The following ST18 variants were observed in gnomAD, a reference collection of about 807,000 sequenced individuals.
ST18 encodes the protein suppression of tumorigenicity 18 protein.
In ST18, 50 loss-of-function variants were observed where a neutral mutation model predicts 110.0. That is an observed-to-expected ratio of 0.45 (90% CI 0.36 to 0.58). ST18 has a LOEUF of 0.58. Ranked by LOEUF, ST18 falls within the 20% of genes least tolerant of loss-of-function variation. The pLI, the probability that ST18 is intolerant of heterozygous loss-of-function variation, is 0.00. For missense variants in ST18, 1,306 were observed against 1,280.1 expected (o/e 1.02, Z -0.31); for synonymous variants, 461 against 452.4 (o/e 1.02, Z -0.24).
intron 15 of ST18, among the ~76,000 whole-genome samples, chr8:52,156,497 G>A (rs191341163): frequency 1.4e-4 from 22 of 152,328 alleles, no homozygotes; most frequent in Admixed American, 5.9e-4. Context: ...TGGAGGTGAA[G>A]TCTGTCTCTG....
intron 15 of ST18, among the ~76,000 whole-genome samples, chr8:52,154,044 G>A (rs2059439215): frequency 6.6e-6 from 1 of 152,194 alleles, no homozygotes; most frequent in Non-Finnish European, 1.5e-5. Context: ...TACGAAAAGA[G>A]ACATGTTCTT....
intron 2 of ST18, among the ~76,000 whole-genome samples, chr8:52,290,575 GAC>G (rs1410467640): frequency 1.3e-5 from 2 of 152,184 alleles, no homozygotes; most frequent in Non-Finnish European, 2.9e-5. Flanking sequence ...TTGATTGGCT[GAC>G]ACAGAGTTTT....
intron 15 of ST18, among the ~76,000 whole-genome samples, chr8:52,153,056 A>G (rs904428788): frequency 1.3e-5 from 2 of 152,254 alleles, no homozygotes; most frequent in African/African-American, 4.8e-5. Context: ...TTGTATGTAG[A>G]AGGTAGGCTT....
chr8:52,252,436 A>G (rs1050675129), intron 2 of ST18, among the ~76,000 whole-genome samples: 5 of 151,944 alleles, frequency 3.3e-5, no homozygotes, highest in African/African-American at 1.2e-4. Context: ...GCAGTTGTCT[A>G]ATTTAAGAGA....
intron 2 of ST18, among the ~76,000 whole-genome samples, chr8:52,342,038 C>T (rs1473417673): frequency 1.3e-5 from 2 of 152,182 alleles, no homozygotes; most frequent in African/African-American, 2.4e-5. Context: ...ATAGTAACTG[C>T]AGTTAATAAC....
intron 10 of ST18, among the ~76,000 whole-genome samples, chr8:52,168,329 C>T (rs764689677): frequency 1.3e-5 from 2 of 150,880 alleles, no homozygotes; most frequent in African/African-American, 4.9e-5. Context: ...GGCCTGCGTG[C>T]GAGGGTGCGG....
In ST18 at chr8:52,398,365, A is replaced by C. The variant is rs1841867150; in HGVS notation, c.-465+10963T>G. ...ATATAAAATCATGTCATCTGCAAAT[A>C]GAGATAATTTTCCTTCTCTTTTGTC... On this transcript the variant is annotated intron_variant, in intron 2 of 25. Transcript: ENST00000689386. 2.6e-5 allele frequency among the ~76,000 whole-genome samples: 4 copies of C among 152,332 alleles called. No individual in the cohort carries two copies. The South Asian group carries it at 8.3e-4, about 32-fold the overall frequency.
At chr8:52,270,576 A>G (rs1046153554) in intron 2 of ST18, among the ~76,000 whole-genome samples, 9 of 152,220 alleles carry the variant, frequency 5.9e-5, no homozygotes, top group African/African-American at 2.2e-4. Context: ...TAAGTCTGTG[A>G]CATGATGGAT....
rs1342307485 is a variant in ST18, at chr8:52,132,496, A to C, written c.2445-317T>G. On this transcript the variant is annotated intron_variant, in intron 21 of 25. Transcript: ENST00000689386. The stretch of plus-strand genomic sequence containing the variant: ...GTTCATGCCCACACTTTTTAGGTCT[A>C]GAGCCAACCACATAAGGACTATGTT... 2.4e-4 allele frequency among the ~76,000 whole-genome samples: 36 copies of C among 152,242 alleles called. 1 individual carries two copies. Among genetic ancestry groups the C allele is most frequent in the Non-Finnish European group, 5.9e-5 (4 of 68,038 alleles).
intron 15 of ST18, among the ~76,000 whole-genome samples, chr8:52,156,360 C>T (rs17290977): frequency 0.22 from 32,909 of 152,110 alleles, 3,792 homozygotes; most frequent in African/African-American, 0.29. Flanking sequence ...CATTTCAAGA[C>T]GCTTATTTCT....
intron 8 of ST18, among the ~76,000 whole-genome samples, chr8:52,211,761 A>G (rs1050278643): frequency 6.6e-5 from 10 of 152,198 alleles, no homozygotes; most frequent in Admixed American, 1.3e-4. Flanking sequence ...TTCCCTGACC[A>G]TCAGTGTGAA....
At chr8:52,224,549 C>A (rs560328840) in intron 3 of ST18, among the ~76,000 whole-genome samples, 51 of 152,248 alleles carry the variant, frequency 3.3e-4, no homozygotes, top group African/African-American at 1.2e-3. Flanking sequence ...ACCACCAGCC[C>A]ATAATTAGGC....
intron 2 of ST18, among the ~76,000 whole-genome samples, chr8:52,231,312 G>A (rs2091281951): frequency 6.6e-6 from 1 of 152,086 alleles, no homozygotes; most frequent in African/African-American, 2.4e-5. Flanking sequence ...TAATTCCAGA[G>A]GTAACTGAGA....
rs1157591063 is a variant in ST18 at position 52,373,452 on chromosome 8, C to T, written c.-465+35876G>A. Among the ~76,000 whole-genome samples the T allele has an allele frequency of 2.0e-5, 3 of 152,036 alleles. No homozygotes were observed. The East Asian group carries it at 5.8e-4, about 29-fold the overall frequency. On this transcript the variant is annotated intron_variant, in intron 2 of 25. Transcript: ENST00000689386. ...TCAGTGCATGTGCAGGCGATGCTTC[C>T]CACCCCTGGCCTCTTGGTTTCCTGA...
At chr8:52,202,580 G>C (rs898936427) in intron 8 of ST18, among the ~76,000 whole-genome samples, 1 of 152,190 alleles carries the variant, frequency 6.6e-6, no homozygotes, top group Non-Finnish European at 1.5e-5. Context: ...AAACAGACAA[G>C]TAAAGAAGTG....
At chr8:52,341,910 C>T (rs1815224808) in intron 2 of ST18, among the ~76,000 whole-genome samples, 1 of 152,174 alleles carries the variant, frequency 6.6e-6, no homozygotes, top group Non-Finnish European at 1.5e-5. Context: ...AAAGAGCACC[C>T]ACCTCCTTGT....
At chr8:52,230,385 T>C (rs17221900) in intron 2 of ST18, among the ~76,000 whole-genome samples, 17,558 of 151,258 alleles carry the variant, frequency 0.12, 1,372 homozygotes, top group Middle Eastern at 0.21. Flanking sequence ...AGAGTGAAAG[T>C]GAATTATCAA....
chr8:52,385,061 A>G (rs1003182333), intron 2 of ST18, among the ~76,000 whole-genome samples: 2 of 152,176 alleles, frequency 1.3e-5, no homozygotes, highest in Non-Finnish European at 2.9e-5. Flanking sequence ...GTGTCCAATA[A>G]CCCTCTGCCC....
chr8:52,365,123 ATAAAG>A (rs1317769854), intron 2 of ST18, among the ~76,000 whole-genome samples: 1 of 150,894 alleles, frequency 6.6e-6, no homozygotes, highest in Non-Finnish European at 1.5e-5. Context: ...TAAAAAAAAA[ATAAAG>A]AGAAAGTTCC....
Sources: gnomAD v4.1 joint callset for allele counts (sites outside exome capture counted in the v4.1 genomes callset) on GRCh38, gnomAD v4.1.1 for gene constraint, MANE v1.5 for transcripts, NCBI Gene and HGNC (gene_info 2026-07-23, HGNC 2026-07-21) for gene names.